SATB2: variants seen among roughly 807,000 people sequenced by gnomAD.
The protein encoded by SATB2 is SATB homeobox 2, also known as DNA-binding protein SATB2.
SATB2 carries 1 observed loss-of-function variant against 73.4 expected under a neutral mutation model. The ratio of observed to expected loss-of-function variants is 0.01; its 90% CI spans 0.00 to 0.06. The LOEUF (loss-of-function observed/expected upper bound fraction) is 0.06. SATB2 is among the 10% of genes least tolerant of loss of function. The pLI, the probability that SATB2 is intolerant of heterozygous loss-of-function variation, is 1.00. For missense variants in SATB2, 459 were observed against 945.8 expected, an observed-to-expected ratio of 0.49 and a Z score of 6.75; for synonymous variants, 397 against 367.0, an observed-to-expected ratio of 1.08 and a Z score of -0.93.
At chr2:199,333,944 T>C (rs979461783) in intron 7 of SATB2, among the ~76,000 whole-genome samples, 16 of 152,184 alleles carry the variant, frequency 1.1e-4, no homozygotes, top group African/African-American at 3.9e-4. Context: ...TCAAGCTAGC[T>C]AGAGACTGTT....
At chr2:199,358,430 T>TA (rs1471276110) in intron 6 of SATB2, among the ~76,000 whole-genome samples, 1 of 151,846 alleles carries the variant, frequency 6.6e-6, no homozygotes, top group African/African-American at 2.4e-5. Flanking sequence ...AAATATAATT[T>TA]AAAAAAATTA....
chr2:199,331,291 A>C (rs1188283273), intron 7 of SATB2, among the ~76,000 whole-genome samples: 1 of 151,982 alleles, frequency 6.6e-6, no homozygotes, highest in African/African-American at 2.4e-5. Context: ...CTTACAGGGA[A>C]ATTAATCCAT....
intron 3 of SATB2, among the ~76,000 whole-genome samples, chr2:199,394,260 T>G (rs557249872): frequency 1.2e-4 from 18 of 152,172 alleles, no homozygotes; most frequent in Non-Finnish European, 2.2e-4. Context: ...TAAATAAATT[T>G]AATTTGCTCA....
chr2:199,362,028 C>T (rs1033052347), intron 6 of SATB2, among the ~76,000 whole-genome samples: 11 of 152,094 alleles, frequency 7.2e-5, no homozygotes, highest in African/African-American at 2.2e-4. Context: ...TGAGCCACCG[C>T]GCCCAGCCAG....
intron 5 of SATB2, among the ~76,000 whole-genome samples, chr2:199,379,662 C>T (rs188403531): frequency 1.2e-4 from 17 of 147,622 alleles, no homozygotes; most frequent in Admixed American, 2.1e-4. Flanking sequence ...ATATGTAAAA[C>T]GTCTATTTTC....
At chr2:199,306,686 C>T (rs994958866) in intron 10 of SATB2, among the ~76,000 whole-genome samples, 1 of 152,064 alleles carries the variant, frequency 6.6e-6, no homozygotes, top group African/African-American at 2.4e-5. Context: ...CTAAGATTTA[C>T]TGTACTCAAA....
At chr2:199,318,015 C>T (rs1687782179) in intron 9 of SATB2, among the ~76,000 whole-genome samples, 1 of 152,000 alleles carries the variant, frequency 6.6e-6, no homozygotes, top group African/African-American at 2.4e-5. Flanking sequence ...AGAGTGGAAA[C>T]TGGTCCATGA....
chr2:199,367,923 T>C (rs1689335611), intron 6 of SATB2, among the ~76,000 whole-genome samples: 2 of 152,108 alleles, frequency 1.3e-5, no homozygotes, highest in Admixed American at 1.3e-4. Flanking sequence ...CCAAACATAA[T>C]TCTACATGTA....
At chr2:199,383,187 G>GT (rs1273059864) in intron 3 of SATB2, among the ~76,000 whole-genome samples, 1 of 152,156 alleles carries the variant, frequency 6.6e-6, no homozygotes, top group Non-Finnish European at 1.5e-5. Flanking sequence ...ATCCAATAAA[G>GT]TAACACAGCT....
At chr2:199,383,979 A>G (rs1032329499) in intron 3 of SATB2, among the ~76,000 whole-genome samples, 2 of 152,242 alleles carry the variant, frequency 1.3e-5, no homozygotes, top group Non-Finnish European at 2.9e-5. Context: ...TGGTTATACA[A>G]ATTGTCAAAA....
intron 3 of SATB2, among the ~76,000 whole-genome samples, chr2:199,387,263 T>C (rs1689989794): frequency 6.6e-6 from 1 of 152,176 alleles, no homozygotes. Flanking sequence ...ACCGATGCCC[T>C]GAGGATGTAC....
chr2:199,431,913 A>C (rs1691514944), intron 3 of SATB2, among the ~76,000 whole-genome samples: 1 of 152,204 alleles, frequency 6.6e-6, no homozygotes, highest in Non-Finnish European at 1.5e-5. Context: ...GTGGCATGAA[A>C]AGTTTGTGGG....
At chr2:199,431,023 G>A (rs1425588214) in intron 3 of SATB2, among the ~76,000 whole-genome samples, 1 of 152,160 alleles carries the variant, frequency 6.6e-6, no homozygotes, top group Non-Finnish European at 1.5e-5. Context: ...CCATTTCTCT[G>A]CTTTAAATGG....
chr2:199,424,328 C>T (rs896136125), intron 3 of SATB2, among the ~76,000 whole-genome samples: 3 of 152,184 alleles, frequency 2.0e-5, no homozygotes, highest in African/African-American at 7.2e-5. Flanking sequence ...AGGTGCCCAA[C>T]TGTGACCAAA....
At position 199,323,806 on chromosome 2, in the gene SATB2, A is replaced by G. The variant is rs1293468046; in HGVS notation, c.1539T>C (p.Ser513=). The change falls in exon 9 of 11, where the codon AGT becomes AGC. Residue 513 remains serine (S), a synonymous_variant. Transcript: ENST00000417098. The stretch of plus-strand genomic sequence containing the variant: ...TGCTTTTTTAAAAACCACTCACCTG[A>G]CTTTTATTTGCAGCCACTTTGGCAA... ...ALFAKVAANK[S]QGWLCELLRW... is the part of the protein sequence containing the mutation. 1 of 1,613,320 alleles carries G rather than the reference A, an allele frequency of 6.2e-7. No homozygotes were observed. The highest frequency in any genetic ancestry group is 2.2e-5 in the East Asian group (1 of 44,858).
intron 3 of SATB2, among the ~76,000 whole-genome samples, chr2:199,394,631 CAAAAAT>C (rs1272514861): frequency 2.0e-5 from 3 of 151,866 alleles, no homozygotes; most frequent in Admixed American, 6.6e-5. Flanking sequence ...CCTGTCTCTG[CAAAAAT>C]AAAAATAAAA....
At chr2:199,436,566 ATTCT>A (rs1691659328) in intron 2 of SATB2, among the ~76,000 whole-genome samples, 1 of 152,196 alleles carries the variant, frequency 6.6e-6, no homozygotes, top group African/African-American at 2.4e-5. Flanking sequence ...TAAAGGGCTT[ATTCT>A]TAGAAAAATT....
chr2:199,284,266 T>G (rs1692619154), intron 10 of SATB2, among the ~76,000 whole-genome samples: 1 of 152,224 alleles, frequency 6.6e-6, no homozygotes, highest in South Asian at 2.1e-4. Context: ...AAGGGCTGCA[T>G]AACCTTACAA....
At chr2:199,286,422 A>G (rs535851982) in intron 10 of SATB2, among the ~76,000 whole-genome samples, 13 of 152,206 alleles carry the variant, frequency 8.5e-5, no homozygotes, top group African/African-American at 3.1e-4. Context: ...GACCAAAACC[A>G]TTCCACAAAA....
Sources: gnomAD v4.1 joint callset for allele counts (sites outside exome capture counted in the v4.1 genomes callset) on GRCh38, gnomAD v4.1.1 for gene constraint, MANE v1.5 for transcripts, NCBI Gene and HGNC (gene_info 2026-07-23, HGNC 2026-07-21) for gene names.